Variants in CEP152 observed in about 807,000 individuals in gnomAD.
The protein encoded by CEP152 is centrosomal protein 152, also known as centrosomal protein of 152 kDa.
CEP152 carries 132 observed loss-of-function variants against 188.9 expected under a neutral mutation model. The observed-to-expected ratio is 0.70, with a 90% CI of 0.61 to 0.81. CEP152 has a LOEUF of 0.81. Ranked by LOEUF, CEP152 falls within the 30% of genes least tolerant of loss-of-function variation. The pLI is 0.00. For missense variants in CEP152, 1,914 were observed against 1,969.8 expected (o/e 0.97, Z 0.54); for synonymous variants, 649 against 666.6 (o/e 0.97, Z 0.41).
chr15:48,779,049 A>G (rs1896096252), intron 12 of CEP152, among the ~76,000 whole-genome samples: 1 of 152,228 alleles, frequency 6.6e-6, no homozygotes, highest in Non-Finnish European at 1.5e-5. Context: ...CATCATGAAG[A>G]AGTAACTATT....
chr15:48,800,868 G>C (rs1053517388), intron 2 of CEP152, among the ~76,000 whole-genome samples: 2 of 152,106 alleles, frequency 1.3e-5, no homozygotes, highest in African/African-American at 4.8e-5. Context: ...AAAAAAAAGA[G>C]AGCATTTTAC....
Position 48,738,880 on chromosome 15 carries a change from G to T in CEP152, c.4502C>A (p.Thr1501Asn). 2 of 1,614,172 alleles carry T rather than the reference G, an allele frequency of 1.2e-6. No homozygotes were observed. The highest frequency in any genetic ancestry group is 1.7e-6 in the Non-Finnish European group (2 of 1,180,028). The change falls in exon 27 of 27, where the codon ACC (threonine) becomes AAC (asparagine). Residue 1501 changes from threonine (T) to asparagine (N), a missense_variant. Thr to Asn is a moderately conservative substitution (Grantham distance 65). Coordinates refer to ENST00000380950, the MANE Select transcript of CEP152 (RefSeq NM_001194998.2). Reference protein sequence around the residue: ...PHSAAYPFLGTLGNKPSPRCT... With the variant: ...PHSAAYPFLGNLGNKPSPRCT... ...TCTAGGTGAGGGTTTATTTCCTAAG[G>T]TTCCAAGAAAGGGGTATGCAGCTGA...
chr15:48,784,482 T>C (rs7174262), intron 9 of CEP152, among the ~76,000 whole-genome samples: 2,508 of 152,322 alleles, frequency 0.016, 78 homozygotes, highest in African/African-American at 0.059. Context: ...TAAGTGTATG[T>C]ATATATATTT....
At chr15:48,803,804 G>GA (rs1211688296) in intron 2 of CEP152, among the ~76,000 whole-genome samples, 6 of 152,114 alleles carry the variant, frequency 3.9e-5, no homozygotes, top group Non-Finnish European at 8.8e-5. Context: ...ATTTCTCAAT[G>GA]AAAAATCACC....
chr15:48,791,205 T>A (rs776047944), intron 8 of CEP152, 32 bp downstream of exon 8: 27 of 1,584,202 alleles, frequency 1.7e-5, no homozygotes, highest in Non-Finnish European at 2.1e-5. Context: ...AAACTTTTAA[T>A]TTTTTTACCA....
Position 48,762,436 on chromosome 15 carries a change from G to A in CEP152, c.2517C>T (p.Leu839=), listed in dbSNP as rs566937763. 31 of 1,613,906 alleles carry A rather than the reference G, an allele frequency of 1.9e-5. No individual in the cohort carries two copies. Among genetic ancestry groups the A allele is most frequent in the African/African-American group, 8.0e-5 (6 of 75,012 alleles). ...AATGTTTGAGTTCCAATTCAATTTC[G>A]AGTTTCTTCATAGCCCCCTTGATGG... is the stretch of plus-strand genomic sequence containing the variant. ...DIAIKGAMKK[L]EIELELKHCE... Residue 839 remains leucine (L), a synonymous_variant, in exon 18 of 27, where the codon CTC becomes CTT. Transcript: ENST00000380950.
At chr15:48,773,469 GT>G (rs1241297924) in intron 12 of CEP152, 1 of 152,274 alleles carries the variant, frequency 6.6e-6, no homozygotes, top group Admixed American at 6.5e-5. Context: ...ATCTCACTGA[GT>G]TTCAGAGAAA....
At chr15:48,752,920 A>G (rs1473302382) in intron 20 of CEP152, among the ~76,000 whole-genome samples, 2 of 152,210 alleles carry the variant, frequency 1.3e-5, no homozygotes, top group Non-Finnish European at 2.9e-5. Context: ...GTTAAAAATC[A>G]TTTTAAATTT....
chr15:48,766,378 G>T (rs1389986198), intron 17 of CEP152, among the ~76,000 whole-genome samples: 1 of 152,176 alleles, frequency 6.6e-6, no homozygotes, highest in Non-Finnish European at 1.5e-5. Flanking sequence ...AGGACAGTCA[G>T]GCCTGTTAAG....
chr15:48,767,610 A>G (rs975818313), intron 15 of CEP152, 147 bp from the exon 16 acceptor site: 1 of 1,016,860 alleles, frequency 9.8e-7, no homozygotes, highest in African/African-American at 1.6e-5. Context: ...AAGTGGTAAT[A>G]ATTAATTAAT....
intron 20 of CEP152, among the ~76,000 whole-genome samples, chr15:48,754,016 A>G (rs1241223764): frequency 1.3e-5 from 2 of 152,224 alleles, no homozygotes; most frequent in African/African-American, 4.8e-5. Context: ...TCACATTTAC[A>G]GCACCTATGT....
intron 26 of CEP152, 34 bp downstream of exon 26, chr15:48,741,567 T>A (rs183571433): frequency 6.2e-7 from 1 of 1,613,896 alleles, no homozygotes; most frequent in South Asian, 1.1e-5. Context: ...GAAGAAAAGA[T>A]AGAAAAACCA....
downstream of CEP152, among the ~76,000 whole-genome samples, chr15:48,736,403 A>G (rs1470009682): frequency 3.3e-5 from 5 of 152,184 alleles, no homozygotes; most frequent in African/African-American, 1.2e-4. Context: ...ATAAAATAAA[A>G]TAAAAATCCA....
Position 48,767,113 on chromosome 15 carries a change from G to C in CEP152, c.2227C>G (p.Leu743Val). Reference protein sequence around the residue: ...YLEVCREKDNLELTLRKTTEK... With the variant: ...YLEVCREKDNVELTLRKTTEK... ...GTGGTCTTCCTGAGAGTCAATTCTA[G>C]ATTATCCTTCTCTCTGCACACTTCT... Residue 743 changes from leucine to valine, a missense_variant, in exon 17 of 27, where the codon CTA becomes GTA. Physicochemically the swap from Leu to Val is conservative, Grantham distance 32 (BLOSUM62 1). Coordinates refer to ENST00000380950, the MANE Select transcript of CEP152 (RefSeq NM_001194998.2). 7 of 1,613,468 alleles carry C rather than the reference G, an allele frequency of 4.3e-6. No homozygotes were observed. Among genetic ancestry groups the C allele is most frequent in the Admixed American group, 1.7e-5 (1 of 60,016 alleles).
intron 20 of CEP152, among the ~76,000 whole-genome samples, chr15:48,753,322 A>C (rs907400410): frequency 2.0e-5 from 3 of 152,216 alleles, no homozygotes; most frequent in Middle Eastern, 3.2e-3. Context: ...CACCACGCTC[A>C]GCCAAATCAA....
intron 17 of CEP152, among the ~76,000 whole-genome samples, chr15:48,765,933 T>A (rs1403104763): frequency 6.6e-6 from 1 of 152,156 alleles, no homozygotes; most frequent in Non-Finnish European, 1.5e-5. Flanking sequence ...ATTACAGGCG[T>A]GAGCCACTGT....
Position 48,781,370 on chromosome 15 carries a change from AAATT to A in CEP152, c.1414-15_1414-12del. On this transcript the variant is annotated splice_polypyrimidine_tract_variant and intron_variant, in intron 11 of 26. Coordinates refer to ENST00000380950, the MANE Select transcript of CEP152 (RefSeq NM_001194998.2). ...TTCTGTTAATTCTTCCTACAACACAAAATTATTAAAAATAATTTTCACTATTTTC... is the reference window on the plus strand; with the variant it reads ...TTCTGTTAATTCTTCCTACAACACAAATTAAAAATAATTTTCACTATTTTC... The A allele has an allele frequency of 3.2e-6, 5 of 1,572,430 alleles. No homozygotes were observed. Among genetic ancestry groups the A allele is most frequent in the Non-Finnish European group, 4.4e-6 (5 of 1,145,278 alleles).
At chr15:48,797,898 A>C in intron 3 of CEP152, 50 bp downstream of exon 3, 1 of 1,526,864 alleles carries the variant, frequency 6.5e-7, no homozygotes. Flanking sequence ...TCAAAAGAAA[A>C]AGACTTATAG....
At chr15:48,765,537 T>C in intron 17 of CEP152, 2 of 409,258 alleles carry the variant, frequency 4.9e-6, no homozygotes, top group Non-Finnish European at 4.7e-6. Flanking sequence ...TGACCCATTA[T>C]ATGAGATCAT....
Sources: allele counts gnomAD v4.1 joint callset (sites outside exome capture counted in the v4.1 genomes callset), GRCh38; gene constraint gnomAD v4.1.1; transcripts MANE v1.5; gene names NCBI Gene and HGNC (gene_info 2026-07-23, HGNC 2026-07-21).